The following EXT1 variants were observed in gnomAD, a reference collection of about 807,000 sequenced individuals.
EXT1 encodes exostosin glycosyltransferase 1, also known as exostosin-1.
In EXT1, 20 loss-of-function variants were observed where a neutral mutation model predicts 82.5. The observed-to-expected ratio is 0.24, with a 90% CI of 0.17 to 0.35. The LOEUF is 0.35. Ranked by LOEUF, EXT1 falls within the 10% of genes least tolerant of loss-of-function variation. EXT1 has a pLI of 1.00. For missense variants in EXT1, 757 were observed against 936.5 expected, an observed-to-expected ratio of 0.81 and a Z score of 2.50; for synonymous variants, 348 against 350.8, an observed-to-expected ratio of 0.99 and a Z score of 0.09.
chr8:118,033,477 A>C (rs181595898), intron 1 of EXT1, among the ~76,000 whole-genome samples: 1 of 152,302 alleles, frequency 6.6e-6, no homozygotes, highest in East Asian at 1.9e-4. Flanking sequence ...TTTCTTATTC[A>C]TTCATGCATT....
intron 4 of EXT1, among the ~76,000 whole-genome samples, chr8:117,828,199 T>C (rs1188608943): frequency 6.6e-6 from 1 of 152,056 alleles, no homozygotes; most frequent in African/African-American, 2.4e-5. Flanking sequence ...ATATCAATAG[T>C]GGTTTTACAT....
intron 5 of EXT1, among the ~76,000 whole-genome samples, chr8:117,821,287 C>G (rs1310488743): frequency 6.6e-6 from 1 of 152,140 alleles, no homozygotes; most frequent in Non-Finnish European, 1.5e-5. Context: ...GATACATATT[C>G]AAAGTTTTGC....
intron 3 of EXT1, among the ~76,000 whole-genome samples, chr8:117,834,984 A>C (rs1466386774): frequency 6.6e-6 from 1 of 152,202 alleles, no homozygotes; most frequent in Non-Finnish European, 1.5e-5. Flanking sequence ...CCTAAAGATA[A>C]CACTCGCTCA....
intron 1 of EXT1, among the ~76,000 whole-genome samples, chr8:117,998,372 C>T (rs1264842676): frequency 2.6e-5 from 4 of 152,124 alleles, no homozygotes; most frequent in African/African-American, 9.7e-5. Flanking sequence ...TACAGTGGCA[C>T]AATCATAGCT....
intron 1 of EXT1, among the ~76,000 whole-genome samples, chr8:117,996,357 AC>A (rs150141416): frequency 0.014 from 2,070 of 152,326 alleles, 20 homozygotes; most frequent in Non-Finnish European, 0.021. Context: ...TTAAATAAAA[AC>A]TTCAATTCTA....
At chr8:117,816,646 G>A (rs1400846175) in intron 7 of EXT1, among the ~76,000 whole-genome samples, 7 of 152,150 alleles carry the variant, frequency 4.6e-5, no homozygotes, top group Non-Finnish European at 1.0e-4. Flanking sequence ...TAAAGCCCAC[G>A]AGAAAGGTAC....
intron 1 of EXT1, among the ~76,000 whole-genome samples, chr8:117,844,543 T>C (rs893983510): frequency 2.6e-5 from 4 of 152,068 alleles, no homozygotes; most frequent in East Asian, 3.9e-4. Flanking sequence ...GAGAAACATA[T>C]ATAAGTGGGA....
intron 1 of EXT1, among the ~76,000 whole-genome samples, chr8:118,076,751 A>T (rs1306694161): frequency 1.3e-5 from 2 of 152,230 alleles, no homozygotes; most frequent in East Asian, 3.8e-4. Context: ...TTCTTAAGTA[A>T]ATCAATTACT....
intron 4 of EXT1, 57 bp from the exon 5 acceptor site, chr8:117,822,654 G>T (rs968512714): frequency 5.0e-6 from 8 of 1,597,504 alleles, no homozygotes; most frequent in Non-Finnish European, 6.8e-6. Context: ...ATTTGGAAAG[G>T]ATGATGCTCA....
chr8:118,087,738 G>T (rs1048134755), intron 1 of EXT1, among the ~76,000 whole-genome samples: 3 of 152,082 alleles, frequency 2.0e-5, no homozygotes, highest in African/African-American at 7.2e-5. Flanking sequence ...GGAAGCATTT[G>T]TTCTTATTGT....
intron 1 of EXT1, among the ~76,000 whole-genome samples, chr8:117,874,335 G>A (rs185811432): frequency 6.6e-6 from 1 of 152,118 alleles, no homozygotes; most frequent in African/African-American, 2.4e-5. Flanking sequence ...AGCACTTTGG[G>A]AAGGCTGAGG....
chr8:118,028,527 A>G (rs572526727), intron 1 of EXT1, among the ~76,000 whole-genome samples: 1 of 152,174 alleles, frequency 6.6e-6, no homozygotes, highest in Admixed American at 6.5e-5. Flanking sequence ...AGATATACAT[A>G]TGACACTAGT....
At chr8:118,072,943 A>G (rs1222527865) in intron 1 of EXT1, among the ~76,000 whole-genome samples, 1 of 152,196 alleles carries the variant, frequency 6.6e-6, no homozygotes, top group Non-Finnish European at 1.5e-5. Context: ...TGACTTGCCA[A>G]TATAGCCATC....
intron 1 of EXT1, among the ~76,000 whole-genome samples, chr8:118,103,207 T>C (rs1817753950): frequency 6.6e-6 from 1 of 152,104 alleles, no homozygotes; most frequent in South Asian, 2.1e-4. Flanking sequence ...AGTGCAGTGG[T>C]GCCATCATCA....
At chr8:117,992,546 A>G (rs1259354881) in intron 1 of EXT1, among the ~76,000 whole-genome samples, 1 of 151,712 alleles carries the variant, frequency 6.6e-6, no homozygotes, top group Admixed American at 6.6e-5. Flanking sequence ...TCAGAGACCC[A>G]TGAATCTTCT....
At position 117,795,846 on chromosome 8, in the gene EXT1, T is replaced by C. The variant is rs542752929; in HGVS notation, c.*3866A>G. The C allele has an allele frequency of 1.3e-5, 2 of 152,114 alleles. No individual in the cohort carries two copies. The highest frequency in any genetic ancestry group is 2.9e-5 in the Non-Finnish European group (2 of 68,016). The allele number at this position is 152,114 out of a possible 1,614,324, so 9.4% of individuals were successfully genotyped here. A position where few individuals can be genotyped will look rare whatever the true frequency, so the allele number is the denominator to read the frequency against. On this transcript the variant is annotated 3_prime_UTR_variant, in exon 11 of 11. Coordinates refer to ENST00000378204, the MANE Select transcript of EXT1 (RefSeq NM_000127.3). ...GTGTCAAAGGATAAACTAATCTCTT[T>C]ATGCTGAAGTTCTTATACCAAGTGA...
chr8:117,841,677 A>G (rs1812277599), intron 1 of EXT1, among the ~76,000 whole-genome samples: 2 of 152,192 alleles, frequency 1.3e-5, no homozygotes, highest in South Asian at 2.1e-4. Context: ...AGGTAGAAGA[A>G]TTTTCACAAA....
intron 1 of EXT1, among the ~76,000 whole-genome samples, chr8:118,014,281 G>GAA (rs36111740): frequency 2.0e-5 from 3 of 151,956 alleles, no homozygotes; most frequent in African/African-American, 7.3e-5. Context: ...GGATTTCTGG[G>GAA]AAAAAATCTC....
intron 1 of EXT1, among the ~76,000 whole-genome samples, chr8:118,018,686 A>G (rs1816046893): frequency 6.6e-6 from 1 of 152,158 alleles, no homozygotes; most frequent in African/African-American, 2.4e-5. Flanking sequence ...GGAAATAATA[A>G]ATTTCGTTAT....
Sources: allele counts gnomAD v4.1 joint callset (sites outside exome capture counted in the v4.1 genomes callset), GRCh38; gene constraint gnomAD v4.1.1; transcripts MANE v1.5; gene names NCBI Gene and HGNC (gene_info 2026-07-23, HGNC 2026-07-21).